Variants in ATF7 observed in about 807,000 individuals in gnomAD.
The protein encoded by ATF7 is cyclic AMP-dependent transcription factor ATF-7.
ATF7 carries 10 observed loss-of-function variants against 50.4 expected under a neutral mutation model. The observed-to-expected ratio is 0.20, with a 90% CI of 0.12 to 0.34. The LOEUF (loss-of-function observed/expected upper bound fraction) is 0.34. ATF7 is among the 10% of genes least tolerant of loss of function. The probability of loss-of-function intolerance (pLI) is 1.00; values close to 1 mark genes in which losing one functional copy is unlikely to be tolerated. For missense variants in ATF7, 465 were observed against 613.9 expected, an observed-to-expected ratio of 0.76 and a Z score of 2.56; for synonymous variants, 201 against 226.4, an observed-to-expected ratio of 0.89 and a Z score of 1.01.
At chr12:53,625,790 C>CT (rs1290148020) in intron 1 of ATF7, among the ~76,000 whole-genome samples, 1 of 152,140 alleles carries the variant, frequency 6.6e-6, no homozygotes, top group Non-Finnish European at 1.5e-5. Context: ...TAATCCCACT[C>CT]TTTGGGAAGC....
At chr12:53,587,843 A>ATATATATATATATATATATATATTTT in intron 2 of ATF7, among the ~76,000 whole-genome samples, 43 of 61,490 alleles carry the variant, frequency 7.0e-4, no homozygotes, top group South Asian at 1.5e-3. Context: ...ATATATATAT[A>ATATATATATATATATATATATATTTT]TTTTTTTTTT....
At chr12:53,621,427 C>A (rs1038128645) in intron 1 of ATF7, among the ~76,000 whole-genome samples, 4 of 152,026 alleles carry the variant, frequency 2.6e-5, no homozygotes, top group Non-Finnish European at 5.9e-5. Flanking sequence ...CATTATCAAG[C>A]TAAAACAACA....
chr12:53,542,294 G>A (rs1462389247), intron 4 of ATF7, among the ~76,000 whole-genome samples: 1 of 151,694 alleles, frequency 6.6e-6, no homozygotes, highest in Non-Finnish European at 1.5e-5. Flanking sequence ...AGGTGTGGTG[G>A]TGGGCGCCTG....
chr12:53,578,946 A>G (rs1942245640), intron 2 of ATF7, among the ~76,000 whole-genome samples: 1 of 152,080 alleles, frequency 6.6e-6, no homozygotes, highest in South Asian at 2.1e-4. Flanking sequence ...GGTGGTTTCT[A>G]GGTAGGAAAA....
intron 2 of ATF7, among the ~76,000 whole-genome samples, chr12:53,558,096 A>C (rs1940862790): frequency 6.6e-6 from 1 of 152,222 alleles, no homozygotes; most frequent in African/African-American, 2.4e-5. Context: ...AATTTTAATC[A>C]TGTACCAATC....
rs560878555 is a variant in ATF7 at position 53,617,587 on chromosome 12, C to T, written c.-22+8692G>A. ...GAGGCTGCAGTGAGCCAAGATTGTG[C>T]CACTGCACTCCAGCCTGGGTGACAG... is the stretch of plus-strand genomic sequence containing the variant. On this transcript the variant is annotated intron_variant, in intron 1 of 11. Coordinates refer to ENST00000420353, the MANE Select transcript of ATF7 (RefSeq NM_006856.3). Among the ~76,000 whole-genome samples, 21 of 152,192 alleles carry T rather than the reference C, an allele frequency of 1.4e-4. 1 individual carries two copies. The East Asian group carries it at 4.1e-3, about 29-fold the overall frequency.
intron 3 of ATF7, among the ~76,000 whole-genome samples, chr12:53,551,614 T>C (rs1940357977): frequency 6.6e-6 from 1 of 152,082 alleles, no homozygotes; most frequent in Admixed American, 6.6e-5. Context: ...GAATAGGAGG[T>C]CTGTAAAGGC....
At chr12:53,575,574 C>CA (rs150259793) in intron 2 of ATF7, 1,603 of 103,458 alleles carry the variant, frequency 0.015, 16 homozygotes, top group Non-Finnish European at 0.02. Context: ...ATGCAGTCTC[C>CA]AAAAAAAAAA....
intron 2 of ATF7, among the ~76,000 whole-genome samples, chr12:53,554,916 T>C (rs1193453316): frequency 6.8e-6 from 1 of 147,884 alleles, no homozygotes; most frequent in East Asian, 2.0e-4. Flanking sequence ...TGGTTTCTGA[T>C]TGATCTAGGA....
chr12:53,589,744 A>G (rs1025541997), intron 2 of ATF7, among the ~76,000 whole-genome samples: 2 of 152,200 alleles, frequency 1.3e-5, no homozygotes, highest in African/African-American at 4.8e-5. Flanking sequence ...TAGAATTCTA[A>G]GCAGACAGGA....
At chr12:53,616,170 A>G (rs949816102) in intron 1 of ATF7, among the ~76,000 whole-genome samples, 2 of 152,180 alleles carry the variant, frequency 1.3e-5, no homozygotes, top group African/African-American at 2.4e-5. Flanking sequence ...ACAGATGTCC[A>G]TGCCACAAGC....
At chr12:53,608,815 C>T (rs11170609) in intron 1 of ATF7, among the ~76,000 whole-genome samples, 27,416 of 152,036 alleles carry the variant, frequency 0.18, 3,042 homozygotes, top group East Asian at 0.56. Flanking sequence ...ACGAGATCTT[C>T]GCCACAGCAG....
chr12:53,525,510 G>C (rs1186644634), intron 9 of ATF7, among the ~76,000 whole-genome samples: 1 of 152,118 alleles, frequency 6.6e-6, no homozygotes, highest in South Asian at 2.1e-4. Flanking sequence ...TACTATTACA[G>C]GTTTCAGAAA....
At chr12:53,610,058 C>A (rs1021245910) in intron 1 of ATF7, among the ~76,000 whole-genome samples, 7 of 151,790 alleles carry the variant, frequency 4.6e-5, no homozygotes, top group African/African-American at 1.7e-4. Flanking sequence ...CTCAAGTGAT[C>A]CGCCCGCCTC....
chr12:53,571,485 C>T (rs1056874245), intron 2 of ATF7, among the ~76,000 whole-genome samples: 1 of 151,954 alleles, frequency 6.6e-6, no homozygotes, highest in African/African-American at 2.4e-5. Context: ...CCCATAACCA[C>T]AAACCACTGT....
At chr12:53,600,932 T>C in intron 2 of ATF7, 21 bp downstream of exon 2, 1 of 1,611,536 alleles carries the variant, frequency 6.2e-7, no homozygotes, top group Non-Finnish European at 8.5e-7. Flanking sequence ...ACATTCACAA[T>C]AAAGTATATT....
chr12:53,615,923 C>T (rs1001589835), intron 1 of ATF7, among the ~76,000 whole-genome samples: 5 of 152,060 alleles, frequency 3.3e-5, no homozygotes, highest in African/African-American at 1.2e-4. Context: ...CAGGCATATT[C>T]CTATTTCAAA....
intron 1 of ATF7, among the ~76,000 whole-genome samples, chr12:53,607,292 T>C (rs1943657324): frequency 1.3e-5 from 2 of 152,232 alleles, no homozygotes; most frequent in South Asian, 4.1e-4. Context: ...GTGGTTTTGA[T>C]TTGCATTTCT....
In ATF7 at chr12:53,560,123, C is replaced by A. The variant is rs574837259; in HGVS notation, c.49-7486G>T. Among the ~76,000 whole-genome samples the A allele has an allele frequency of 2.6e-5, 4 of 152,128 alleles. No individual in the cohort carries two copies. The South Asian group carries it at 8.3e-4, about 32-fold the overall frequency. ...GTTTTTAGTAGAGACAGGGTTTCAC[C>A]ATGTTGGCCAGGTTGGTCTTGAACT... On this transcript the variant is annotated intron_variant, in intron 2 of 11. Transcript: ENST00000420353.
Sources: gnomAD v4.1 joint callset for allele counts (sites outside exome capture counted in the v4.1 genomes callset) on GRCh38, gnomAD v4.1.1 for gene constraint, MANE v1.5 for transcripts, NCBI Gene and HGNC (gene_info 2026-07-23, HGNC 2026-07-21) for gene names.